KBTBD12: variants seen among roughly 807,000 people sequenced by gnomAD.
KBTBD12 encodes the protein kelch repeat and BTB domain containing 12.
In KBTBD12, 53 loss-of-function variants were observed where a neutral mutation model predicts 58.7. That is an observed-to-expected ratio of 0.90 (90% CI 0.72 to 1.14). KBTBD12 has a LOEUF of 1.14. Among genes scored for constraint, KBTBD12 ranks in the 50% most tolerant of loss-of-function variants. KBTBD12 has a pLI of 0.00. For synonymous variants in KBTBD12, 236 were observed against 259.8 expected, an observed-to-expected ratio of 0.91 and a Z score of 0.88; for missense variants, 704 against 751.3, an observed-to-expected ratio of 0.94 and a Z score of 0.74.
chr3:127,966,475 G>T (rs1297801385), intron 5 of KBTBD12, among the ~76,000 whole-genome samples: 1 of 152,154 alleles, frequency 6.6e-6, no homozygotes, highest in Non-Finnish European at 1.5e-5. Context: ...AATAGAACAG[G>T]AAAAGGATAT....
intron 1 of KBTBD12, 85 bp from the exon 2 acceptor site, chr3:127,922,865 A>G (rs1939451353): frequency 8.2e-6 from 4 of 487,142 alleles, no homozygotes; most frequent in Non-Finnish European, 7.3e-6. Context: ...TCTGTTTATA[A>G]ATACTTTTTT....
chr3:127,938,102 GATGAA>G lies in KBTBD12; in HGVS notation c.1492+7825_1492+7829del, dbSNP rs530131065. Among the ~76,000 whole-genome samples the G allele has an allele frequency of 5.9e-5, 9 of 152,204 alleles. No homozygotes were observed. In the South Asian group the frequency reaches 1.2e-3, roughly 21 times the overall value. ...CCCAGATTGAAGATCTAAAATGCAA[GATGAA>G]ATGAAGAGCAAAGAATGTGGTAAAC... On this transcript the variant is annotated intron_variant, in intron 4 of 5. Transcript: ENST00000405109.
chr3:127,984,154 G>A lies in KBTBD12; in HGVS notation c.1748G>A (p.Trp583Ter). 1 of 1,613,880 alleles carries A rather than the reference G, an allele frequency of 6.2e-7. No homozygotes were observed. Among genetic ancestry groups the A allele is most frequent in the Non-Finnish European group, 8.5e-7 (1 of 1,179,802 alleles). Reference protein sequence around the residue: ...ILELDPWENQWNVVAINVLMH... With the variant: ...ILELDPWENQ The stretch of plus-strand genomic sequence containing the variant: ...GAACTGGACCCATGGGAAAACCAGT[G>A]GAATGTTGTAGCCATCAACGTCCTC... The change falls in exon 6 of 6, where the codon TGG becomes TAG. Residue 583 changes from tryptophan to a stop codon, truncating the protein, a stop_gained. Coordinates refer to ENST00000405109, the MANE Select transcript of KBTBD12 (RefSeq NM_207335.4). LOFTEE classifies it high-confidence loss of function.
intron 4 of KBTBD12, among the ~76,000 whole-genome samples, chr3:127,945,603 G>T (rs1376698671): frequency 4.0e-5 from 6 of 151,780 alleles, no homozygotes; most frequent in African/African-American, 1.4e-4. Flanking sequence ...TTTGAGAAAG[G>T]TCTGTTTAAG....
chr3:127,924,292 CTGTGTG>C, intron 2 of KBTBD12, among the ~76,000 whole-genome samples, 161 bp downstream of exon 2: 1 of 149,020 alleles, frequency 6.7e-6, no homozygotes, highest in South Asian at 2.1e-4. Flanking sequence ...TTTTGTGTGT[CTGTGTG>C]TGTGTGTATA....
chr3:127,964,213 T>A (rs1940514405), intron 5 of KBTBD12, among the ~76,000 whole-genome samples: 1 of 152,130 alleles, frequency 6.6e-6, no homozygotes, highest in Middle Eastern at 3.2e-3. Flanking sequence ...TACATACCCA[T>A]GAAAACATGT....
chr3:127,980,923 T>C (rs548851711), intron 5 of KBTBD12, among the ~76,000 whole-genome samples: 2 of 152,284 alleles, frequency 1.3e-5, no homozygotes, highest in African/African-American at 4.8e-5. Context: ...AAATTTCACA[T>C]TAGATACCAA....
rs572452021 is a variant in KBTBD12 at position 127,981,618 on chromosome 3, T to C, written c.1691-2479T>C. On this transcript the variant is annotated intron_variant, in intron 5 of 5. Coordinates refer to ENST00000405109, the MANE Select transcript of KBTBD12 (RefSeq NM_207335.4). ...AAAAGTTCCCACTTTTTCTCCAGTG[T>C]GTTTGTGATACATACCCAGGTTTAA... Among the ~76,000 whole-genome samples, 5 of 152,282 alleles carry C rather than the reference T, an allele frequency of 3.3e-5. No individual in the cohort carries two copies. In the South Asian group the frequency reaches 1.0e-3, roughly 32 times the overall value.
chr3:127,967,837 T>C (rs1409991817), intron 5 of KBTBD12, among the ~76,000 whole-genome samples: 15 of 152,230 alleles, frequency 9.9e-5, no homozygotes, highest in Non-Finnish European at 1.5e-5. Flanking sequence ...TAATTTTCCA[T>C]GGGTCTTAAG....
chr3:127,931,851 G>A (rs908676436), intron 4 of KBTBD12, among the ~76,000 whole-genome samples: 18 of 152,208 alleles, frequency 1.2e-4, no homozygotes, highest in African/African-American at 4.3e-4. Flanking sequence ...GTGGTTTGGA[G>A]GTGAGAATGA....
intron 4 of KBTBD12, among the ~76,000 whole-genome samples, chr3:127,947,231 G>A (rs538934640): frequency 6.6e-6 from 1 of 152,274 alleles, no homozygotes; most frequent in East Asian, 1.9e-4. Flanking sequence ...CTCCCTGAGA[G>A]GATTCTGCCT....
rs553319946 is a variant in KBTBD12, at chr3:127,986,508, G to C, written c.*2230G>C. ...TTCTTTTTTTTTTTTTTTTTGAGACGGAGTCTCTCTCTCTCGCCAGGCTGG... is the reference window on the plus strand; with the variant it reads ...TTCTTTTTTTTTTTTTTTTTGAGACCGAGTCTCTCTCTCTCGCCAGGCTGG... On this transcript the variant is annotated 3_prime_UTR_variant, in exon 6 of 6. Coordinates refer to ENST00000405109, the MANE Select transcript of KBTBD12 (RefSeq NM_207335.4). 3.9e-4 allele frequency: 57 copies of C among 145,002 alleles called. No homozygotes were observed. Among genetic ancestry groups the C allele is most frequent in the African/African-American group, 1.2e-3 (47 of 38,502 alleles). 9.0% of individuals were successfully genotyped at this position (145,002 alleles called of 1,614,324 possible).
intron 4 of KBTBD12, among the ~76,000 whole-genome samples, chr3:127,957,378 C>A (rs1371397752): frequency 6.6e-6 from 1 of 152,126 alleles, no homozygotes; most frequent in Non-Finnish European, 1.5e-5. Context: ...AATTTTGTGT[C>A]TCTTTCATTT....
At chr3:127,922,631 A>G (rs1407456674) in intron 1 of KBTBD12, among the ~76,000 whole-genome samples, 1 of 152,140 alleles carries the variant, frequency 6.6e-6, no homozygotes, top group Admixed American at 6.6e-5. Flanking sequence ...CCTGCAGGTC[A>G]GCTGTATTTG....
intron 1 of KBTBD12, among the ~76,000 whole-genome samples, chr3:127,920,314 G>A (rs1939367599): frequency 6.6e-6 from 1 of 151,264 alleles, no homozygotes; most frequent in African/African-American, 2.4e-5. Flanking sequence ...TATGTGGCAT[G>A]TATATTCTAC....
chr3:127,963,857 A>G (rs1442904903), intron 5 of KBTBD12: 1 of 153,476 alleles, frequency 6.5e-6, no homozygotes, highest in African/African-American at 2.4e-5. Flanking sequence ...AAAGTGGAGT[A>G]CTGATCAGAA....
chr3:127,951,011 A>G (rs1311691775), intron 4 of KBTBD12, among the ~76,000 whole-genome samples: 1 of 152,192 alleles, frequency 6.6e-6, no homozygotes, highest in East Asian at 1.9e-4. Flanking sequence ...CTGGGCAACG[A>G]GCAAAACTCC....
intron 4 of KBTBD12, among the ~76,000 whole-genome samples, chr3:127,943,542 T>G (rs1940005000): frequency 6.6e-6 from 1 of 152,192 alleles, no homozygotes. Context: ...ATTAGGTTAT[T>G]TGGGTTTTTT....
At chr3:127,974,406 C>G (rs1280926902) in intron 5 of KBTBD12, among the ~76,000 whole-genome samples, 1 of 152,184 alleles carries the variant, frequency 6.6e-6, no homozygotes, top group Non-Finnish European at 1.5e-5. Context: ...TCAGTTTCAT[C>G]CTGTACCGTC....
Sources: gnomAD v4.1 joint callset for allele counts (sites outside exome capture counted in the v4.1 genomes callset) on GRCh38, gnomAD v4.1.1 for gene constraint, MANE v1.5 for transcripts, NCBI Gene and HGNC (gene_info 2026-07-23, HGNC 2026-07-21) for gene names.